Variants in LINGO2 observed in about 807,000 individuals in gnomAD.
LINGO2 encodes the protein leucine-rich repeat and immunoglobulin-like domain-containing nogo receptor-interacting protein 2.
In LINGO2, 14 loss-of-function variants were observed where a neutral mutation model predicts 30.6. The ratio of observed to expected loss-of-function variants is 0.46; its 90% CI spans 0.30 to 0.72. The LOEUF is 0.72. LINGO2 is among the 30% of genes least tolerant of loss of function. The pLI, the probability that LINGO2 is intolerant of heterozygous loss-of-function variation, is 0.07. For synonymous variants in LINGO2, 317 were observed against 288.5 expected (o/e 1.10, Z -1.00); for missense variants, 729 against 751.7 (o/e 0.97, Z 0.35).
At chr9:28,869,272 T>C in the LINGO2 span, among the ~76,000 whole-genome samples, 2 of 151,972 alleles carry the variant, frequency 1.3e-5, no homozygotes, top group African/African-American at 4.8e-5. Flanking sequence ...AATCTGCAAA[T>C]ATTTCCAGTA....
chr9:27,981,972 T>C (rs1023114328), intron 5 of LINGO2, among the ~76,000 whole-genome samples: 1 of 151,818 alleles, frequency 6.6e-6, no homozygotes, highest in South Asian at 2.1e-4. Flanking sequence ...AGCCACACCG[T>C]CTGATTCTAT....
chr9:28,506,515 T>G lies in LINGO2; in HGVS notation c.-364-30490A>C, dbSNP rs28615076. Among the ~76,000 whole-genome samples, 118 of 100,584 alleles carry G rather than the reference T, an allele frequency of 1.2e-3. 4 individuals are homozygous for G. Among genetic ancestry groups the G allele is most frequent in the African/African-American group, 3.8e-3 (102 of 27,160 alleles). 66.0% of individuals were successfully genotyped at this position (100,584 alleles called of 152,430 possible). On this transcript the variant is annotated intron_variant, in intron 1 of 5. Coordinates refer to ENST00000379992, the Ensembl canonical transcript of LINGO2. ...ACACACACACACAGACATATATATA[T>G]ATATATAAACTGTTGGGGACTAAGT...
At chr9:29,093,930 T>C in the LINGO2 span, among the ~76,000 whole-genome samples, 5 of 138,552 alleles carry the variant, frequency 3.6e-5, 1 homozygote, top group South Asian at 9.1e-4. Context: ...GCAAGTTATA[T>C]CCAAATTTGA....
chr9:28,422,796 T>C (rs575194026), intron 2 of LINGO2, among the ~76,000 whole-genome samples: 46 of 152,156 alleles, frequency 3.0e-4, no homozygotes, highest in Admixed American at 1.2e-3. Context: ...GATGAATACA[T>C]TAATAAAATT....
chr9:28,375,212 C>T (rs1019609104), intron 2 of LINGO2, among the ~76,000 whole-genome samples: 10 of 152,066 alleles, frequency 6.6e-5, no homozygotes, highest in Non-Finnish European at 1.5e-5. Flanking sequence ...TTATCCATTT[C>T]TGATTTTCCA....
intron 2 of LINGO2, among the ~76,000 whole-genome samples, chr9:28,448,224 A>G (rs549157671): frequency 1.1e-4 from 16 of 152,298 alleles, no homozygotes; most frequent in Non-Finnish European, 2.4e-4. Flanking sequence ...TGCACCTACA[A>G]AATGGAGAAT....
chr9:28,360,887 G>C (rs1041949126), intron 3 of LINGO2, among the ~76,000 whole-genome samples: 8 of 152,084 alleles, frequency 5.3e-5, no homozygotes, highest in African/African-American at 1.9e-4. Context: ...AACTCAGGAG[G>C]AGACACAAAA....
intron 1 of LINGO2, among the ~76,000 whole-genome samples, chr9:28,610,362 C>T (rs1825863787): frequency 6.6e-6 from 1 of 152,112 alleles, no homozygotes; most frequent in Admixed American, 6.6e-5. Flanking sequence ...TTCACTTCCT[C>T]CAATTATCAT....
chr9:28,815,188 C>T, the LINGO2 span, among the ~76,000 whole-genome samples: 174 of 152,302 alleles, frequency 1.1e-3, no homozygotes, highest in Non-Finnish European at 2.1e-3. Context: ...ACGCACCTCA[C>T]AACCCAACCA....
the LINGO2 span, among the ~76,000 whole-genome samples, chr9:29,110,984 C>A: frequency 6.9e-6 from 1 of 144,496 alleles, no homozygotes; most frequent in South Asian, 2.2e-4. Flanking sequence ...CCACGGCGCC[C>A]GGCCTGGAAG....
chr9:28,575,824 T>C (rs1823951611), intron 1 of LINGO2, among the ~76,000 whole-genome samples: 3 of 152,094 alleles, frequency 2.0e-5, no homozygotes, highest in Admixed American at 1.3e-4. Context: ...CCAGGTCTCC[T>C]AACACACATT....
chr9:28,782,472 T>TA, the LINGO2 span, among the ~76,000 whole-genome samples: 238 of 152,152 alleles, frequency 1.6e-3, 1 homozygote, highest in Middle Eastern at 0.02. Context: ...GCATGCATGA[T>TA]AAAAGGGAAA....
intron 2 of LINGO2, among the ~76,000 whole-genome samples, chr9:28,471,495 C>T (rs1172175430): frequency 6.6e-6 from 1 of 152,144 alleles, no homozygotes; most frequent in Admixed American, 6.5e-5. Flanking sequence ...AAAGATCCCA[C>T]CTCCCAACAC....
At chr9:28,729,964 AC>A in the LINGO2 span, among the ~76,000 whole-genome samples, 1 of 152,248 alleles carries the variant, frequency 6.6e-6, no homozygotes, top group African/African-American at 2.4e-5. Flanking sequence ...AGGGTCACAT[AC>A]AAAAATCAGA....
chr9:28,588,571 C>T (rs1047187487), intron 1 of LINGO2, among the ~76,000 whole-genome samples: 1 of 151,206 alleles, frequency 6.6e-6, no homozygotes, highest in African/African-American at 2.4e-5. Context: ...GCTGGAGTCA[C>T]AAATATCTCT....
At chr9:29,136,223 T>C in the LINGO2 span, among the ~76,000 whole-genome samples, 2 of 152,176 alleles carry the variant, frequency 1.3e-5, no homozygotes, top group African/African-American at 2.4e-5. Context: ...TTTACCATCA[T>C]TAACAATTTT....
At chr9:29,133,935 C>T in the LINGO2 span, among the ~76,000 whole-genome samples, 1 of 152,096 alleles carries the variant, frequency 6.6e-6, no homozygotes, top group Non-Finnish European at 1.5e-5. Flanking sequence ...AGACCTCCCT[C>T]CTTCCCTCAC....
chr9:28,507,193 C>A (rs1171526228), intron 1 of LINGO2, among the ~76,000 whole-genome samples: 1 of 147,268 alleles, frequency 6.8e-6, no homozygotes, highest in Non-Finnish European at 1.5e-5. Flanking sequence ...CAGAAATAGA[C>A]CTTACTGCAT....
At position 28,209,440 on chromosome 9, in the gene LINGO2, C is replaced by G. The variant is rs1005848996; in HGVS notation, c.-87+85768G>C. Among the ~76,000 whole-genome samples, 5 of 151,764 alleles carry G rather than the reference C, an allele frequency of 3.3e-5. No individual in the cohort carries two copies. The East Asian group carries it at 9.6e-4, about 29-fold the overall frequency. On this transcript the variant is annotated intron_variant, in intron 4 of 5. Coordinates refer to ENST00000379992, the Ensembl canonical transcript of LINGO2. ...TTCATACTGCAGGTGGTCTCATGAA[C>G]TTTTTGTTACACTAGGTATAATGGC...
Sources: gnomAD v4.1 joint callset for allele counts (sites outside exome capture counted in the v4.1 genomes callset) on GRCh38, gnomAD v4.1.1 for gene constraint, MANE v1.5 for transcripts, NCBI Gene and HGNC (gene_info 2026-07-23, HGNC 2026-07-21) for gene names.